The following GRIA4 variants were observed in gnomAD, a reference collection of about 807,000 sequenced individuals.
The protein encoded by GRIA4 is glutamate receptor 4.
A neutral mutation model predicts 104.0 loss-of-function variants in GRIA4; 34 were observed. The observed-to-expected ratio is 0.33, with a 90% CI of 0.25 to 0.44. GRIA4 has a LOEUF of 0.44. Ranked by LOEUF, GRIA4 falls within the 20% of genes least tolerant of loss-of-function variation. GRIA4 has a pLI of 1.00. For synonymous variants in GRIA4, 386 were observed against 381.9 expected (o/e 1.01, Z -0.13); for missense variants, 750 against 1,096.5 (o/e 0.68, Z 4.46).
intron 3 of GRIA4, among the ~76,000 whole-genome samples, chr11:105,670,077 A>T (rs1247945732): frequency 1.3e-5 from 2 of 152,122 alleles, no homozygotes; most frequent in Non-Finnish European, 2.9e-5. Context: ...GTAAGGTATA[A>T]CACAAATAAA....
chr11:105,672,999 T>C (rs1680670809), intron 3 of GRIA4, among the ~76,000 whole-genome samples: 1 of 152,142 alleles, frequency 6.6e-6, no homozygotes, highest in South Asian at 2.1e-4. Context: ...TTAGATGGGA[T>C]AGCTCAATTA....
At chr11:105,734,461 T>C (rs1425353379) in intron 3 of GRIA4, among the ~76,000 whole-genome samples, 2 of 152,122 alleles carry the variant, frequency 1.3e-5, no homozygotes, top group Non-Finnish European at 2.9e-5. Context: ...CTAGGATCCA[T>C]TACAGTTCCA....
intron 5 of GRIA4, among the ~76,000 whole-genome samples, chr11:105,880,466 A>G (rs1229031120): frequency 6.6e-6 from 1 of 152,190 alleles, no homozygotes; most frequent in Non-Finnish European, 1.5e-5. Context: ...TTTTCACTCT[A>G]TAGTTCTAGG....
intron 4 of GRIA4, among the ~76,000 whole-genome samples, chr11:105,762,003 G>A (rs1423016570): frequency 5.3e-5 from 8 of 151,522 alleles, no homozygotes; most frequent in Admixed American, 3.3e-4. Context: ...CACAACCCCC[G>A]AAGAATCTTT....
intron 3 of GRIA4, among the ~76,000 whole-genome samples, chr11:105,702,690 CTTTCTTT>C (rs1470515578): frequency 2.7e-4 from 26 of 96,074 alleles, no homozygotes; most frequent in African/African-American, 8.2e-4. Context: ...AATTATTTTC[CTTTCTTT>C]TTTTTTTTTT....
intron 4 of GRIA4, among the ~76,000 whole-genome samples, chr11:105,772,941 A>G (rs1441876945): frequency 6.6e-6 from 1 of 152,120 alleles, no homozygotes; most frequent in Admixed American, 6.6e-5. Flanking sequence ...GCTTTAACTC[A>G]AGAAGCTAAA....
At chr11:105,961,374 T>C (rs1948740436) in intron 14 of GRIA4, among the ~76,000 whole-genome samples, 1 of 152,218 alleles carries the variant, frequency 6.6e-6, no homozygotes, top group Non-Finnish European at 1.5e-5. Flanking sequence ...TTTTACACAA[T>C]TTCTTTTTGT....
intron 14 of GRIA4, among the ~76,000 whole-genome samples, chr11:105,965,606 T>C (rs1425541596): frequency 6.6e-6 from 1 of 152,172 alleles, no homozygotes; most frequent in Non-Finnish European, 1.5e-5. Flanking sequence ...ATTGGCATTC[T>C]TAGAGGCAAA....
chr11:105,918,896 TG>T lies in GRIA4; in HGVS notation c.1456del (p.Val486Ter). The T allele has an allele frequency of 6.2e-7, 1 of 1,607,084 alleles. No homozygotes were observed. The highest frequency in any genetic ancestry group is 8.5e-7 in the Non-Finnish European group (1 of 1,173,838). Reference protein sequence around the residue: ...RDADTKIWNGMVGELVYGKAE... With the variant: ...RDADTKIWNGXVGELVYGKAE... ...GCAGACACAAAAATCTGGAATGGGA[TG>T]GTAGGAGAACTTGTTTATGGGGTAA... On this transcript the variant is annotated frameshift_variant, in exon 11 of 17. Transcript: ENST00000282499. LOFTEE classifies it high-confidence loss of function.
chr11:105,840,091 C>A (rs937940716), intron 4 of GRIA4, among the ~76,000 whole-genome samples: 3 of 152,054 alleles, frequency 2.0e-5, no homozygotes, highest in Non-Finnish European at 2.9e-5. Context: ...TTATACAAAT[C>A]AAAATTATTT....
chr11:105,964,629 C>T (rs990129833), intron 14 of GRIA4, among the ~76,000 whole-genome samples: 5 of 151,996 alleles, frequency 3.3e-5, no homozygotes, highest in Admixed American at 6.5e-5. Context: ...CAAACGTTAC[C>T]CAAATTCCCT....
chr11:105,875,114 T>C (rs1042884304), intron 5 of GRIA4, among the ~76,000 whole-genome samples: 1 of 152,242 alleles, frequency 6.6e-6, no homozygotes, highest in East Asian at 1.9e-4. Context: ...TTTAGAGTTT[T>C]TAGCATGAAG....
chr11:105,679,915 T>G (rs1952656368), intron 3 of GRIA4, among the ~76,000 whole-genome samples: 1 of 152,098 alleles, frequency 6.6e-6, no homozygotes, highest in Non-Finnish European at 1.5e-5. Context: ...CTCCCTGGAT[T>G]ATGTTGTAGT....
At chr11:105,951,655 A>C (rs761384492) in intron 14 of GRIA4, among the ~76,000 whole-genome samples, 3 of 151,972 alleles carry the variant, frequency 2.0e-5, no homozygotes, top group Non-Finnish European at 4.4e-5. Flanking sequence ...ATTTTTTTTT[A>C]AATTTTTATT....
chr11:105,865,877 C>G (rs1197551835), intron 5 of GRIA4, among the ~76,000 whole-genome samples: 2 of 152,132 alleles, frequency 1.3e-5, no homozygotes, highest in Non-Finnish European at 2.9e-5. Context: ...AGTGGTTGCT[C>G]ACACATTTTA....
chr11:105,642,556 A>AT (rs1208809287), intron 3 of GRIA4, among the ~76,000 whole-genome samples: 27 of 149,900 alleles, frequency 1.8e-4, no homozygotes, highest in Admixed American at 1.5e-3. Context: ...AAAAAAAAAA[A>AT]AAAAAAAGGC....
intron 5 of GRIA4, among the ~76,000 whole-genome samples, chr11:105,874,422 A>G (rs1945739171): frequency 6.6e-6 from 1 of 152,132 alleles, no homozygotes; most frequent in African/African-American, 2.4e-5. Context: ...GTTCCATATG[A>G]AATTTAAAGT....
chr11:105,862,820 G>A (rs185941757), intron 5 of GRIA4, among the ~76,000 whole-genome samples: 1 of 152,300 alleles, frequency 6.6e-6, no homozygotes, highest in Admixed American at 6.5e-5. Context: ...TTGATTTGAA[G>A]CAGCCAGGAA....
At chr11:105,725,264 ATAAAT>A (rs1295903364) in intron 3 of GRIA4, among the ~76,000 whole-genome samples, 2 of 152,206 alleles carry the variant, frequency 1.3e-5, no homozygotes, top group African/African-American at 4.8e-5. Flanking sequence ...TGAGTCAAAA[ATAAAT>A]TTATTAAAAA....
Sources: allele counts gnomAD v4.1 joint callset (sites outside exome capture counted in the v4.1 genomes callset), GRCh38; gene constraint gnomAD v4.1.1; transcripts MANE v1.5; gene names NCBI Gene and HGNC (gene_info 2026-07-23, HGNC 2026-07-21).